CNTNAP2: variants seen among roughly 807,000 people sequenced by gnomAD.
CNTNAP2 encodes the protein contactin associated protein 2.
In CNTNAP2, 98 loss-of-function variants were observed where a neutral mutation model predicts 155.2. The ratio of observed to expected loss-of-function variants is 0.63; its 90% confidence interval spans 0.54 to 0.75. CNTNAP2 has a LOEUF of 0.75. Among genes scored for constraint, CNTNAP2 ranks in the 30% least tolerant of loss-of-function variants. The pLI, the probability that CNTNAP2 is intolerant of heterozygous loss-of-function variation, is 0.00. For missense variants in CNTNAP2, 1,727 were observed against 1,688.1 expected (o/e 1.02, Z -0.40); for synonymous variants, 651 against 631.2 (o/e 1.03, Z -0.47).
intron 1 of CNTNAP2, among the ~76,000 whole-genome samples, chr7:146,380,130 T>G (rs554115964): frequency 2.6e-5 from 4 of 152,318 alleles, no homozygotes; most frequent in South Asian, 4.2e-4. Flanking sequence ...AATATTAATT[T>G]TCTGCTTAGG....
intron 13 of CNTNAP2, among the ~76,000 whole-genome samples, chr7:147,648,126 A>T (rs1190636267): frequency 1.3e-5 from 2 of 152,184 alleles, no homozygotes; most frequent in African/African-American, 4.8e-5. Context: ...AGGGGTTTAA[A>T]AATGTTTGAT....
At chr7:147,580,342 A>G (rs1160052158) in intron 12 of CNTNAP2, among the ~76,000 whole-genome samples, 2 of 152,128 alleles carry the variant, frequency 1.3e-5, no homozygotes, top group Non-Finnish European at 2.9e-5. Flanking sequence ...CCAAGCTCTT[A>G]GTCCTAAGTT....
At chr7:146,966,351 C>T (rs1797656544) in intron 3 of CNTNAP2, among the ~76,000 whole-genome samples, 1 of 152,190 alleles carries the variant, frequency 6.6e-6, no homozygotes, top group South Asian at 2.1e-4. Context: ...CACTTAGACA[C>T]ACACTCTTAC....
intron 3 of CNTNAP2, among the ~76,000 whole-genome samples, chr7:146,926,248 C>G (rs73461502): frequency 6.6e-6 from 1 of 150,652 alleles, no homozygotes; most frequent in African/African-American, 2.5e-5. Flanking sequence ...CTGCTGTGTA[C>G]ATTTGTGTGT....
At chr7:148,152,343 G>A (rs1805312144) in intron 17 of CNTNAP2, among the ~76,000 whole-genome samples, 1 of 151,964 alleles carries the variant, frequency 6.6e-6, no homozygotes, top group African/African-American at 2.4e-5. Context: ...TCATAGGGGT[G>A]TGGAAAATTG....
intron 3 of CNTNAP2, among the ~76,000 whole-genome samples, chr7:146,999,227 A>C (rs1291973967): frequency 6.9e-6 from 1 of 145,084 alleles, no homozygotes; most frequent in Non-Finnish European, 1.5e-5. Context: ...ACCTGATAAC[A>C]GCTTAAGTTT....
chr7:147,468,841 C>CTTCT (rs1563216167), intron 10 of CNTNAP2, among the ~76,000 whole-genome samples: 6 of 57,010 alleles, frequency 1.1e-4, no homozygotes, highest in African/African-American at 5.9e-4. Context: ...TCTTCTTCTT[C>CTTCT]TTTTTTTTTT....
chr7:146,760,213 G>T (rs1802067759), intron 1 of CNTNAP2, among the ~76,000 whole-genome samples: 1 of 151,886 alleles, frequency 6.6e-6, no homozygotes, highest in Non-Finnish European at 1.5e-5. Context: ...TATGGCCATT[G>T]CTCAGTGAAT....
intron 3 of CNTNAP2, among the ~76,000 whole-genome samples, chr7:146,999,241 T>A (rs1287082780): frequency 1.0e-5 from 1 of 98,782 alleles, no homozygotes; most frequent in East Asian, 2.6e-4. Flanking sequence ...TAAGTTTGAT[T>A]GCAAAAAAAA....
chr7:147,067,476 CTG>C (rs2129264413), intron 4 of CNTNAP2, among the ~76,000 whole-genome samples: 1 of 152,166 alleles, frequency 6.6e-6, no homozygotes, highest in African/African-American at 2.4e-5. Context: ...ACTCAAAAAA[CTG>C]TGTATTGCTA....
chr7:146,588,991 A>G (rs1306332185), intron 1 of CNTNAP2, among the ~76,000 whole-genome samples: 2 of 152,144 alleles, frequency 1.3e-5, no homozygotes, highest in Non-Finnish European at 2.9e-5. Context: ...ATGTCACTAT[A>G]ATTATTACAG....
At chr7:146,269,753 A>G (rs1037903665) in intron 1 of CNTNAP2, among the ~76,000 whole-genome samples, 2 of 152,204 alleles carry the variant, frequency 1.3e-5, no homozygotes, top group Non-Finnish European at 2.9e-5. Context: ...CTAACTCTGT[A>G]TACACTTTCC....
At chr7:147,725,550 C>G (rs1796626974) in intron 13 of CNTNAP2, among the ~76,000 whole-genome samples, 1 of 152,066 alleles carries the variant, frequency 6.6e-6, no homozygotes, top group Non-Finnish European at 1.5e-5. Flanking sequence ...GTGTCCCCCA[C>G]TCTCTCTCCT....
intron 8 of CNTNAP2, among the ~76,000 whole-genome samples, chr7:147,201,169 A>G (rs927907259): frequency 2.6e-5 from 4 of 152,214 alleles, no homozygotes; most frequent in Non-Finnish European, 5.9e-5. Context: ...AATTACTCCA[A>G]AAGAATGGAG....
At chr7:147,368,663 T>C (rs532610506) in intron 9 of CNTNAP2, among the ~76,000 whole-genome samples, 2 of 152,292 alleles carry the variant, frequency 1.3e-5, no homozygotes, top group Admixed American at 1.3e-4. Context: ...CTTTTTAACA[T>C]GGAAGTCTTC....
intron 1 of CNTNAP2, among the ~76,000 whole-genome samples, chr7:146,450,640 A>G (rs1388741522): frequency 6.6e-6 from 1 of 152,184 alleles, no homozygotes; most frequent in East Asian, 1.9e-4. Flanking sequence ...GGTGAAAACA[A>G]ATCACCAAGC....
chr7:147,475,997 C>T (rs1430330731), intron 10 of CNTNAP2, among the ~76,000 whole-genome samples: 2 of 152,108 alleles, frequency 1.3e-5, no homozygotes, highest in Non-Finnish European at 2.9e-5. Flanking sequence ...TTTATATTTA[C>T]TGTGGGTCTA....
intron 18 of CNTNAP2, among the ~76,000 whole-genome samples, chr7:148,181,323 T>C (rs375482646): frequency 1.3e-5 from 2 of 151,942 alleles, no homozygotes; most frequent in East Asian, 3.9e-4. Context: ...CCATAACGCA[T>C]GAAAATAATC....
intron 12 of CNTNAP2, among the ~76,000 whole-genome samples, chr7:147,580,493 TG>T (rs1270705947): frequency 2.0e-5 from 3 of 152,226 alleles, no homozygotes; most frequent in African/African-American, 7.2e-5. Flanking sequence ...TTTTTTTAAT[TG>T]GGTTCAGCAT....
Sources: gnomAD v4.1 joint callset for allele counts (sites outside exome capture counted in the v4.1 genomes callset) on GRCh38, gnomAD v4.1.1 for gene constraint, MANE v1.5 for transcripts, NCBI Gene and HGNC (gene_info 2026-07-23, HGNC 2026-07-21) for gene names.